The following COX20 variants were observed in gnomAD, a reference collection of about 807,000 sequenced individuals.
COX20 encodes cytochrome c oxidase assembly protein COX20, mitochondrial.
In COX20, 14 loss-of-function variants were observed where a neutral mutation model predicts 14.3. That is an observed-to-expected ratio of 0.98 (90% CI 0.65 to 1.53). The LOEUF is 1.53. Ranked by LOEUF, COX20 falls within the 40% of genes most tolerant of loss-of-function variation. COX20 has a pLI of 0.00. For synonymous variants in COX20, 56 were observed against 51.7 expected (o/e 1.08, Z -0.36); for missense variants, 149 against 142.1 (o/e 1.05, Z -0.25).
intron 1 of COX20, among the ~76,000 whole-genome samples, chr1:244,839,138 G>T (rs1347171587): frequency 6.6e-6 from 1 of 151,490 alleles, no homozygotes; most frequent in African/African-American, 2.4e-5. Flanking sequence ...CGATGCAAAT[G>T]AAAGGGGTAG....
chr1:244,835,594 C>T, upstream of COX20: 2 of 686,744 alleles, frequency 2.9e-6, no homozygotes, highest in Non-Finnish European at 4.1e-6. Context: ...GCGGCCGGCG[C>T]GTCGGAACAG....
intron 3 of COX20, chr1:244,842,686 T>C (rs1045587621): frequency 1.3e-5 from 3 of 237,978 alleles, no homozygotes; most frequent in Non-Finnish European, 2.4e-5. Flanking sequence ...CAGTGAGCTA[T>C]TTAAGGTGGT....
chr1:244,838,642 G>A (rs577787140), intron 1 of COX20, among the ~76,000 whole-genome samples: 40 of 152,346 alleles, frequency 2.6e-4, no homozygotes, highest in African/African-American at 8.9e-4. Context: ...CTGGTGTCAA[G>A]TGAAGTTCAG....
chr1:244,842,529 C>T lies in COX20; in HGVS notation c.221+271C>T, dbSNP rs1680248920. 8 of 399,768 alleles carry T rather than the reference C, an allele frequency of 2.0e-5. No individual in the cohort carries two copies. The East Asian group carries it at 3.0e-4, about 15-fold the overall frequency. 24.8% of individuals were successfully genotyped at this position (399,768 alleles called of 1,614,324 possible). On this transcript the variant is annotated intron_variant, in intron 3 of 3. Transcript: ENST00000411948. ...TACCCTAATACTTATTTCATCCCTG[C>T]TTATTCATATCTGAAAATGCTACTT... is the stretch of plus-strand genomic sequence containing the variant.
chr1:244,842,883 C>T, intron 3 of COX20, 158 bp from the exon 4 acceptor site: 1 of 534,168 alleles, frequency 1.9e-6, no homozygotes. Context: ...ATTCTGACAC[C>T]AAAACTGCCC....
chr1:244,842,460 T>C, intron 3 of COX20: 1 of 542,250 alleles, frequency 1.8e-6, no homozygotes, highest in Non-Finnish European at 3.3e-6. Context: ...AAAAGAAAGC[T>C]GTGGTTTTTA....
chr1:244,841,887 AG>A (rs1481400558), intron 1 of COX20, 56 bp from the exon 2 acceptor site: 11 of 1,110,444 alleles, frequency 9.9e-6, no homozygotes, highest in Non-Finnish European at 1.5e-5. Context: ...TTTTTGCCAA[AG>A]CACCCCAAAA....
chr1:244,835,580 A>C (rs1679939366), upstream of COX20: 4 of 575,944 alleles, frequency 6.9e-6, no homozygotes, highest in East Asian at 1.1e-4. Flanking sequence ...CATTCCCTAA[A>C]ATGGCGGCCG....
At chr1:244,837,777 G>T (rs1680042104) in intron 1 of COX20, among the ~76,000 whole-genome samples, 1 of 152,148 alleles carries the variant, frequency 6.6e-6, no homozygotes, top group Admixed American at 6.5e-5. Context: ...GTGTTCGTTC[G>T]GTAATAACCA....
At position 244,843,511 on chromosome 1, in the gene COX20, TAAC is replaced by T; in HGVS notation, c.*338_*340del. Reference sequence around the variant, plus strand: ...AGTTTGATGATAAGTAAACGTCCCTTAACAAAAACCTCAACCTTATTACTATCC... The same window carrying T: ...AGTTTGATGATAAGTAAACGTCCCTTAAAAACCTCAACCTTATTACTATCC... On this transcript the variant is annotated 3_prime_UTR_variant, in exon 4 of 4. Coordinates refer to ENST00000411948, the MANE Select transcript of COX20 (RefSeq NM_198076.6). The T allele has an allele frequency of 5.0e-6, 1 of 198,536 alleles. No individual in the cohort carries two copies. The allele number at this position is 198,536 out of a possible 1,614,324, so 12.3% of individuals were successfully genotyped here.
chr1:244,840,372 G>C (rs1285976349), intron 1 of COX20: 1 of 152,250 alleles, frequency 6.6e-6, no homozygotes, highest in African/African-American at 2.4e-5. Flanking sequence ...TCTGGCCCCA[G>C]CATCCCATCC....
At chr1:244,837,686 GA>G (rs1680037146) in intron 1 of COX20, among the ~76,000 whole-genome samples, 1 of 152,138 alleles carries the variant, frequency 6.6e-6, no homozygotes, top group South Asian at 2.1e-4. Flanking sequence ...TCCCTTTAAG[GA>G]GCTGACATTC....
At chr1:244,842,471 C>T in intron 3 of COX20, 1 of 525,120 alleles carries the variant, frequency 1.9e-6, no homozygotes, top group Non-Finnish European at 3.4e-6. Context: ...GTGGTTTTTA[C>T]ACTTCACTTA....
chr1:244,842,763 A>T, intron 3 of COX20: 2 of 280,702 alleles, frequency 7.1e-6, no homozygotes, highest in South Asian at 1.1e-4. Flanking sequence ...CTTGTTTCTT[A>T]TAATAGCCAA....
At position 244,843,851 on chromosome 1, in the gene COX20, CAA is replaced by C. The variant is rs929176416; in HGVS notation, c.*676_*677del. ...ACTGCAGAATTACTATTAATGTAAACAATCCATTTGAAAGTCAATCAGCTGCT... is the reference window on the plus strand; with the variant it reads ...ACTGCAGAATTACTATTAATGTAAACTCCATTTGAAAGTCAATCAGCTGCT... On this transcript the variant is annotated 3_prime_UTR_variant, in exon 4 of 4. Coordinates refer to ENST00000411948, the MANE Select transcript of COX20 (RefSeq NM_198076.6). 6 of 152,112 alleles carry C rather than the reference CAA, an allele frequency of 3.9e-5. No individual in the cohort carries two copies. 9.4% of individuals were successfully genotyped at this position (152,112 alleles called of 1,614,324 possible).
intron 1 of COX20, among the ~76,000 whole-genome samples, chr1:244,838,807 TGA>T (rs1680082638): frequency 6.6e-6 from 1 of 151,930 alleles, no homozygotes; most frequent in South Asian, 2.1e-4. Context: ...GTTTTTTTTT[TGA>T]GATGGAGTCT....
chr1:244,837,557 TA>T (rs1558175583), intron 1 of COX20, among the ~76,000 whole-genome samples: 14 of 152,228 alleles, frequency 9.2e-5, no homozygotes, highest in Non-Finnish European at 5.9e-5. Context: ...TGAAATTTGG[TA>T]CATACAGGTA....
At chr1:244,842,582 G>A (rs902016758) in intron 3 of COX20, 2 of 302,108 alleles carry the variant, frequency 6.6e-6, no homozygotes, top group African/African-American at 2.1e-5. Flanking sequence ...CTACTGATGA[G>A]TGAATATAAA....
At chr1:244,835,618 G>C (rs867624884), upstream of COX20, 2 of 973,762 alleles carry the variant, frequency 2.1e-6, no homozygotes, top group South Asian at 4.7e-5. Context: ...GGGAGGCGGC[G>C]GCGCGTGGGG....
Sources: allele counts gnomAD v4.1 joint callset (sites outside exome capture counted in the v4.1 genomes callset), GRCh38; gene constraint gnomAD v4.1.1; transcripts MANE v1.5; gene names NCBI Gene and HGNC (gene_info 2026-07-23, HGNC 2026-07-21).